The following RBBP8 variants were observed in gnomAD, a reference collection of about 807,000 sequenced individuals.
The protein encoded by RBBP8 is DNA endonuclease RBBP8.
RBBP8 carries 88 observed loss-of-function variants against 108.3 expected under a neutral mutation model. The ratio of observed to expected loss-of-function variants is 0.81; its 90% CI spans 0.68 to 0.97. The LOEUF is 0.97. Among genes scored for constraint, RBBP8 ranks in the 50% least tolerant of loss-of-function variants. RBBP8 has a pLI of 0.00. For synonymous variants in RBBP8, 332 were observed against 348.2 expected (o/e 0.95, Z 0.52); for missense variants, 1,023 against 1,049.0 (o/e 0.98, Z 0.34).
chr18:23,014,165 A>AT (rs553671944), intron 16 of RBBP8, among the ~76,000 whole-genome samples: 9,080 of 146,612 alleles, frequency 0.062, 422 homozygotes, highest in African/African-American at 0.13. Context: ...CGCCTGGCTA[A>AT]TTTTTTTTTT....
chr18:23,016,762 A>C (rs1831776512), intron 16 of RBBP8, 66 bp from the exon 17 acceptor site: 1 of 1,164,430 alleles, frequency 8.6e-7, no homozygotes, highest in African/African-American at 1.5e-5. Flanking sequence ...AAAATGAATG[A>C]ATGTTTTGGG....
chr18:22,920,875 T>C (rs1334438273), intron 3 of RBBP8: 1 of 152,164 alleles, frequency 6.6e-6, no homozygotes, highest in South Asian at 2.1e-4. Flanking sequence ...CTTCTGCCTA[T>C]AACAGAGAAT....
intron 4 of RBBP8, among the ~76,000 whole-genome samples, chr18:22,950,778 G>T (rs1911970819): frequency 6.6e-6 from 1 of 152,070 alleles, no homozygotes; most frequent in Non-Finnish European, 1.5e-5. Flanking sequence ...AATTAGCCAG[G>T]CATGTGACTG....
intron 2 of RBBP8, among the ~76,000 whole-genome samples, chr18:22,944,286 GTTC>G (rs543481021): frequency 5.3e-5 from 8 of 152,168 alleles, no homozygotes; most frequent in Non-Finnish European, 1.2e-4. Flanking sequence ...TAAAAGAGTA[GTTC>G]TTCCCCTGTT....
At chr18:22,993,682 T>G in intron 11 of RBBP8, 39 bp from the exon 12 acceptor site, 2 of 1,614,216 alleles carry the variant, frequency 1.2e-6, no homozygotes, top group Non-Finnish European at 1.7e-6. Flanking sequence ...AATGATTGCT[T>G]GTGATTTCAT....
At chr18:22,956,876 T>A (rs551050305) in intron 4 of RBBP8, among the ~76,000 whole-genome samples, 2 of 152,212 alleles carry the variant, frequency 1.3e-5, no homozygotes, top group Non-Finnish European at 2.9e-5. Flanking sequence ...ATTTACAGAC[T>A]TTCCTTCCAG....
At chr18:22,932,813 G>T (rs1567941406), upstream of RBBP8, among the ~76,000 whole-genome samples, 1 of 152,148 alleles carries the variant, frequency 6.6e-6, no homozygotes, top group Non-Finnish European at 1.5e-5. Context: ...TAATGCTGAA[G>T]GAGATTCCTT....
intron 2 of RBBP8, chr18:22,915,614 T>A (rs1211873029): frequency 6.6e-6 from 1 of 152,170 alleles, no homozygotes; most frequent in Non-Finnish European, 1.5e-5. Flanking sequence ...TCAAAACTTT[T>A]AATTGGCTGA....
At chr18:22,956,074 TA>T (rs1438447370) in intron 4 of RBBP8, among the ~76,000 whole-genome samples, 1 of 152,182 alleles carries the variant, frequency 6.6e-6, no homozygotes, top group Non-Finnish European at 1.5e-5. Flanking sequence ...TTGCCTATTG[TA>T]TAGTCTGTTT....
intron 17 of RBBP8, among the ~76,000 whole-genome samples, chr18:23,018,909 T>C (rs1311270932): frequency 2.0e-5 from 3 of 152,234 alleles, no homozygotes; most frequent in African/African-American, 4.8e-5. Flanking sequence ...TTACTTCCCC[T>C]TTTAAATTTC....
At chr18:22,974,444 T>C (rs1204799870) in intron 5 of RBBP8, among the ~76,000 whole-genome samples, 3 of 152,294 alleles carry the variant, frequency 2.0e-5, no homozygotes, top group South Asian at 2.1e-4. Flanking sequence ...TACACTGATA[T>C]TCAGCGTTTT....
In RBBP8 at chr18:22,993,507, C is replaced by T. The variant is rs1256114305; in HGVS notation, c.1680C>T (p.Ile560=). The change falls in exon 11 of 19, where the codon ATC becomes ATT. Residue 560 remains isoleucine (I), a synonymous_variant. Coordinates refer to ENST00000327155, the MANE Select transcript of RBBP8 (RefSeq NM_002894.3). The stretch of plus-strand genomic sequence containing the variant: ...AGCCCTGTTCACAGGAATGCATCAT[C>T]CTTCAGCCCTTGAATAAATGCTCTC... The part of the protein sequence containing the change: ...PGEPCSQECI[I]LQPLNKCSPD... 2.5e-6 allele frequency: 4 copies of T among 1,613,474 alleles called. No individual in the cohort carries two copies. Among genetic ancestry groups the T allele is most frequent in the Non-Finnish European group, 3.4e-6 (4 of 1,179,886 alleles).
At chr18:22,997,198 C>G (rs2045874520) in intron 13 of RBBP8, among the ~76,000 whole-genome samples, 1 of 152,150 alleles carries the variant, frequency 6.6e-6, no homozygotes, top group African/African-American at 2.4e-5. Context: ...CAGAAGTTCT[C>G]TTTCACTTGG....
intron 2 of RBBP8, among the ~76,000 whole-genome samples, chr18:22,944,705 C>A (rs1007874173): frequency 6.6e-6 from 1 of 152,012 alleles, no homozygotes; most frequent in Admixed American, 6.6e-5. Context: ...TGTGTCATAT[C>A]AGTTGGACAT....
At chr18:22,931,587 T>G (rs1468563567), upstream of RBBP8, among the ~76,000 whole-genome samples, 2 of 152,200 alleles carry the variant, frequency 1.3e-5, no homozygotes, top group Non-Finnish European at 2.9e-5. Context: ...GAAATACTAA[T>G]TATGGCTAGC....
chr18:22,976,590 A>G (rs1348623905), intron 6 of RBBP8, among the ~76,000 whole-genome samples: 1 of 152,106 alleles, frequency 6.6e-6, no homozygotes, highest in Non-Finnish European at 1.5e-5. Context: ...TGGAGCTGTT[A>G]TGTAATTATG....
intron 16 of RBBP8, among the ~76,000 whole-genome samples, chr18:23,012,142 C>T (rs955465779): frequency 1.6e-5 from 2 of 128,802 alleles, no homozygotes; most frequent in Non-Finnish European, 3.1e-5. Context: ...CCCAGGAGGT[C>T]GAGACTAGTG....
upstream of RBBP8, among the ~76,000 whole-genome samples, chr18:22,929,630 C>T (rs7243308): frequency 0.014 from 2,087 of 151,900 alleles, 55 homozygotes; most frequent in African/African-American, 0.048. Context: ...GTGAGCCTCC[C>T]GCGGGCCTCC....
At chr18:23,008,281 C>T (rs1443911543) in intron 16 of RBBP8, among the ~76,000 whole-genome samples, 1 of 152,072 alleles carries the variant, frequency 6.6e-6, no homozygotes, top group African/African-American at 2.4e-5. Flanking sequence ...TTGAGTTACT[C>T]AGTAAAGTTA....
Sources: allele counts gnomAD v4.1 joint callset (sites outside exome capture counted in the v4.1 genomes callset), GRCh38; gene constraint gnomAD v4.1.1; transcripts MANE v1.5; gene names NCBI Gene and HGNC (gene_info 2026-07-23, HGNC 2026-07-21).